SLC35F4: variants seen among roughly 807,000 people sequenced by gnomAD.
The protein encoded by SLC35F4 is solute carrier family 35 member F4.
SLC35F4 carries 24 observed loss-of-function variants against 44.2 expected under a neutral mutation model. That is an observed-to-expected ratio of 0.54 (90% CI 0.39 to 0.76). The LOEUF (loss-of-function observed/expected upper bound fraction) is 0.76, where lower values mean the gene tolerates loss of function less well. Ranked by LOEUF, SLC35F4 falls within the 30% of genes least tolerant of loss-of-function variation. The probability of loss-of-function intolerance (pLI) is 0.00; values close to 1 mark genes in which losing one functional copy is unlikely to be tolerated. For missense variants in SLC35F4, 562 were observed against 586.1 expected (o/e 0.96, Z 0.42); for synonymous variants, 238 against 223.6 (o/e 1.06, Z -0.57).
chr14:57,913,251 A>G (rs577402520), intron 1 of SLC35F4, among the ~76,000 whole-genome samples: 2 of 152,166 alleles, frequency 1.3e-5, no homozygotes, highest in African/African-American at 4.8e-5. Flanking sequence ...GTGTACTTAG[A>G]TCACTGATGT....
intron 1 of SLC35F4, among the ~76,000 whole-genome samples, chr14:57,831,136 G>A (rs773947644): frequency 2.6e-5 from 4 of 152,158 alleles, no homozygotes; most frequent in Non-Finnish European, 5.9e-5. Context: ...GGCCAGCAGA[G>A]CAGGGAGGTG....
At chr14:57,955,489 G>A (rs188844825) in intron 1 of SLC35F4, among the ~76,000 whole-genome samples, 32 of 152,272 alleles carry the variant, frequency 2.1e-4, no homozygotes, top group Admixed American at 8.5e-4. Flanking sequence ...AGGAAGAGAG[G>A]AAGTCAAATT....
At chr14:57,955,300 A>C (rs1180993939) in intron 1 of SLC35F4, among the ~76,000 whole-genome samples, 1 of 152,220 alleles carries the variant, frequency 6.6e-6, no homozygotes, top group Non-Finnish European at 1.5e-5. Flanking sequence ...TCTCAAAATA[A>C]TAACAGCTAT....
chr14:57,863,193 T>C (rs1192725672), intron 1 of SLC35F4, among the ~76,000 whole-genome samples: 1 of 152,246 alleles, frequency 6.6e-6, no homozygotes, highest in African/African-American at 2.4e-5. Flanking sequence ...CCAGATTTCT[T>C]ATTTATATTT....
intron 6 of SLC35F4, among the ~76,000 whole-genome samples, chr14:57,568,715 A>G (rs966376702): frequency 1.3e-5 from 2 of 152,226 alleles, no homozygotes; most frequent in African/African-American, 2.4e-5. Flanking sequence ...CAGGAATTGC[A>G]GTGCTGCTAC....
intron 1 of SLC35F4, among the ~76,000 whole-genome samples, chr14:57,875,792 T>C (rs536297787): frequency 1.1e-4 from 16 of 152,344 alleles, no homozygotes; most frequent in African/African-American, 3.8e-4. Context: ...AAATGGATTC[T>C]GCCTCGTGGT....
chr14:57,619,603 G>C (rs141311381), intron 1 of SLC35F4, among the ~76,000 whole-genome samples: 3,395 of 152,160 alleles, frequency 0.022, 69 homozygotes, highest in South Asian at 0.048. Flanking sequence ...GCACAAAAAG[G>C]CTAAAAATTC....
chr14:57,660,777 G>A (rs2140235389), intron 1 of SLC35F4, among the ~76,000 whole-genome samples: 2 of 152,056 alleles, frequency 1.3e-5, no homozygotes, highest in Middle Eastern at 6.8e-3. Context: ...AACATGAGTG[G>A]GTCTGAAAGC....
chr14:57,709,483 G>C (rs1463955301), intron 1 of SLC35F4, among the ~76,000 whole-genome samples: 1 of 151,810 alleles, frequency 6.6e-6, no homozygotes. Context: ...AATGATTAAT[G>C]ATATTCATAT....
intron 1 of SLC35F4, among the ~76,000 whole-genome samples, chr14:57,851,126 C>A (rs1236546834): frequency 6.6e-6 from 1 of 152,152 alleles, no homozygotes; most frequent in Non-Finnish European, 1.5e-5. Flanking sequence ...TGCCTAAGAC[C>A]ACTGCAAAAT....
chr14:57,570,654 T>C (rs1449866887), intron 5 of SLC35F4, among the ~76,000 whole-genome samples: 1 of 152,202 alleles, frequency 6.6e-6, no homozygotes, highest in African/African-American at 2.4e-5. Context: ...CACCACTCCC[T>C]ATACTAATCC....
intron 1 of SLC35F4, among the ~76,000 whole-genome samples, chr14:57,875,798 G>A (rs547976167): frequency 1.3e-5 from 2 of 152,304 alleles, no homozygotes; most frequent in Admixed American, 6.5e-5. Flanking sequence ...ATTCTGCCTC[G>A]TGGTGAGATT....
At chr14:57,713,428 T>C (rs184859141) in intron 1 of SLC35F4, among the ~76,000 whole-genome samples, 35 of 152,216 alleles carry the variant, frequency 2.3e-4, no homozygotes, top group African/African-American at 8.2e-4. Context: ...CCCTCCCCTA[T>C]CCCATACCCC....
chr14:57,626,273 A>C (rs1029723668), intron 1 of SLC35F4, among the ~76,000 whole-genome samples: 15 of 145,662 alleles, frequency 1.0e-4, no homozygotes, highest in Non-Finnish European at 1.8e-4. Context: ...ATAGCTATGT[A>C]ACAAACCTGC....
intron 1 of SLC35F4, among the ~76,000 whole-genome samples, chr14:57,763,468 G>A (rs901240850): frequency 5.9e-5 from 9 of 152,078 alleles, no homozygotes; most frequent in Non-Finnish European, 1.3e-4. Context: ...CAGAATAGTT[G>A]ATGTTTATTG....
At chr14:57,894,876 A>C (rs1275142354) in intron 1 of SLC35F4, among the ~76,000 whole-genome samples, 1 of 152,182 alleles carries the variant, frequency 6.6e-6, no homozygotes, top group East Asian at 1.9e-4. Flanking sequence ...ACAAACTTAC[A>C]CAGCATCATC....
Position 57,741,059 on chromosome 14 carries a change from A to G in SLC35F4, c.103+124664T>C, listed in dbSNP as rs562622158. Among the ~76,000 whole-genome samples the G allele has an allele frequency of 4.9e-4, 75 of 152,276 alleles. 3 individuals are homozygous for G. In the South Asian group the frequency reaches 0.015, roughly 30 times the overall value. On this transcript the variant is annotated intron_variant, in intron 1 of 7. Coordinates refer to ENST00000556826, the MANE Select transcript of SLC35F4 (RefSeq NM_001306087.2). Reference sequence around the variant, plus strand: ...GAAAACTAACAAACAGAAAGGACAAACACTCCAAAACCCCATCTGTACATT... The same window carrying G: ...GAAAACTAACAAACAGAAAGGACAAGCACTCCAAAACCCCATCTGTACATT...
chr14:57,955,887 T>C (rs778434713), intron 1 of SLC35F4, among the ~76,000 whole-genome samples: 2 of 152,212 alleles, frequency 1.3e-5, no homozygotes, highest in Non-Finnish European at 2.9e-5. Flanking sequence ...ATAGATTCAA[T>C]GCTATACTCA....
intron 1 of SLC35F4, among the ~76,000 whole-genome samples, chr14:57,838,676 G>T (rs1885184217): frequency 6.6e-6 from 1 of 152,154 alleles, no homozygotes; most frequent in Admixed American, 6.5e-5. Context: ...GATACAAGTA[G>T]CACGTGATCA....
Sources: allele counts gnomAD v4.1 joint callset (sites outside exome capture counted in the v4.1 genomes callset), GRCh38; gene constraint gnomAD v4.1.1; transcripts MANE v1.5; gene names NCBI Gene and HGNC (gene_info 2026-07-23, HGNC 2026-07-21).